Variants in RGS6 observed in about 807,000 individuals in gnomAD.
The protein encoded by RGS6 is regulator of G-protein signaling 6.
Under a neutral mutation model 78.5 loss-of-function variants are expected in RGS6, and 30 were observed. The observed-to-expected ratio is 0.38, with a 90% CI of 0.29 to 0.52. The LOEUF (loss-of-function observed/expected upper bound fraction) is 0.52. Ranked by LOEUF, RGS6 falls within the 20% of genes least tolerant of loss-of-function variation. The pLI is 0.85. For missense variants in RGS6, 495 were observed against 609.7 expected, an observed-to-expected ratio of 0.81 and a Z score of 1.98; for synonymous variants, 206 against 206.0, an observed-to-expected ratio of 1.00 and a Z score of 0.00.
chr14:72,158,055 C>G (rs1006855018), intron 2 of RGS6, among the ~76,000 whole-genome samples: 1 of 152,104 alleles, frequency 6.6e-6, no homozygotes, highest in Non-Finnish European at 1.5e-5. Context: ...ATACCATCTT[C>G]TCCTGACCAG....
At chr14:71,898,402 C>G in the RGS6 span, among the ~76,000 whole-genome samples, 126,404 of 152,190 alleles carry the variant, frequency 0.83, 52,691 homozygotes, top group African/African-American at 0.85. Context: ...GAAATATATA[C>G]AGCCTAGTTG....
chr14:72,097,427 T>A (rs2095431564), intron 2 of RGS6, among the ~76,000 whole-genome samples: 1 of 152,258 alleles, frequency 6.6e-6, no homozygotes, highest in African/African-American at 2.4e-5. Flanking sequence ...TCATTCTCTT[T>A]ACTTTGGTCT....
At chr14:72,521,162 C>A (rs56255322) in intron 15 of RGS6, among the ~76,000 whole-genome samples, 1 of 152,122 alleles carries the variant, frequency 6.6e-6, no homozygotes, top group Non-Finnish European at 1.5e-5. Flanking sequence ...TTTATTTAAC[C>A]GCTTGTTTCT....
intron 15 of RGS6, among the ~76,000 whole-genome samples, chr14:72,535,753 T>C (rs2097242028): frequency 6.6e-6 from 1 of 152,248 alleles, no homozygotes; most frequent in African/African-American, 2.4e-5. Flanking sequence ...TTTGTCTCTA[T>C]AATTTGTCAT....
intron 3 of RGS6, among the ~76,000 whole-genome samples, chr14:72,416,281 C>T (rs989120109): frequency 2.6e-5 from 4 of 152,036 alleles, no homozygotes; most frequent in Admixed American, 2.6e-4. Flanking sequence ...TTTCAAGGAA[C>T]ATTGATCTGA....
intron 2 of RGS6, among the ~76,000 whole-genome samples, chr14:72,277,372 C>T (rs971794146): frequency 6.6e-5 from 10 of 152,100 alleles, no homozygotes; most frequent in South Asian, 6.2e-4. Context: ...CCGAAGCGGG[C>T]GGATCATGAG....
At chr14:71,959,892 C>T (rs1460677529) in intron 1 of RGS6, among the ~76,000 whole-genome samples, 1 of 152,158 alleles carries the variant, frequency 6.6e-6, no homozygotes, top group Non-Finnish European at 1.5e-5. Flanking sequence ...AGGCAAGGAG[C>T]TGGAAACGTA....
chr14:72,231,532 G>T lies in RGS6; in HGVS notation c.85-120563G>T, dbSNP rs182904550. On this transcript the variant is annotated intron_variant, in intron 2 of 17. Coordinates refer to ENST00000553525, the MANE Select transcript of RGS6 (RefSeq NM_001204424.2). The stretch of plus-strand genomic sequence containing the variant: ...GGCTTAATTCTGTTGGTGGGAGGAG[G>T]TATCTGCTAATAAGCAGACAACTTC... Among the ~76,000 whole-genome samples the T allele has an allele frequency of 5.3e-5, 8 of 152,296 alleles. No individual in the cohort carries two copies. In the East Asian group the frequency reaches 1.5e-3, roughly 29 times the overall value.
At chr14:72,258,074 A>G (rs12436355) in intron 2 of RGS6, among the ~76,000 whole-genome samples, 1 of 152,228 alleles carries the variant, frequency 6.6e-6, no homozygotes, top group African/African-American at 2.4e-5. Context: ...AGAGTTTTGT[A>G]TACAGCAGAT....
intron 1 of RGS6, among the ~76,000 whole-genome samples, chr14:71,934,887 G>A (rs2152930034): frequency 6.6e-6 from 1 of 152,136 alleles, no homozygotes; most frequent in Admixed American, 6.5e-5. Flanking sequence ...TTTCGTGCCA[G>A]GGGTTAAATA....
At chr14:72,377,566 C>G (rs545981504) in intron 3 of RGS6, among the ~76,000 whole-genome samples, 1 of 152,274 alleles carries the variant, frequency 6.6e-6, no homozygotes, top group African/African-American at 2.4e-5. Context: ...ACGACATTTA[C>G]AGAATATTTC....
At chr14:72,158,694 AT>A (rs1240427686) in intron 2 of RGS6, among the ~76,000 whole-genome samples, 2 of 152,172 alleles carry the variant, frequency 1.3e-5, no homozygotes, top group African/African-American at 4.8e-5. Context: ...CACTCTTTTT[AT>A]GTAAGAGGGG....
intron 1 of RGS6, among the ~76,000 whole-genome samples, chr14:71,940,198 C>T (rs1012161572): frequency 2.0e-5 from 3 of 152,170 alleles, no homozygotes; most frequent in Non-Finnish European, 2.9e-5. Flanking sequence ...CAGTAGTCCC[C>T]GAAATGTCTG....
intron 3 of RGS6, among the ~76,000 whole-genome samples, chr14:72,389,119 G>T (rs1204405286): frequency 6.6e-6 from 1 of 152,158 alleles, no homozygotes; most frequent in African/African-American, 2.4e-5. Context: ...CCTGCATCAT[G>T]CTGGGAATAC....
chr14:71,956,851 G>A (rs2092827945), intron 1 of RGS6, among the ~76,000 whole-genome samples: 1 of 152,332 alleles, frequency 6.6e-6, no homozygotes, highest in African/African-American at 2.4e-5. Context: ...TTATGAGTGA[G>A]TATAATGATG....
chr14:72,126,543 C>T (rs890472416), intron 2 of RGS6, among the ~76,000 whole-genome samples: 36 of 152,242 alleles, frequency 2.4e-4, no homozygotes, highest in Admixed American at 6.5e-4. Flanking sequence ...CCATGCCCTG[C>T]TGGCTAGTCC....
At chr14:72,007,682 G>C (rs1027792099) in intron 2 of RGS6, among the ~76,000 whole-genome samples, 2 of 152,086 alleles carry the variant, frequency 1.3e-5, no homozygotes, top group Non-Finnish European at 2.9e-5. Context: ...ACCCTTGGAC[G>C]AAGGGCTTGC....
intron 2 of RGS6, among the ~76,000 whole-genome samples, chr14:72,179,822 C>T (rs2097151759): frequency 6.6e-6 from 1 of 152,068 alleles, no homozygotes; most frequent in South Asian, 2.1e-4. Context: ...TGGGTCCCAC[C>T]CCAGACCTAC....
At chr14:71,888,803 T>C in the RGS6 span, among the ~76,000 whole-genome samples, 1 of 152,182 alleles carries the variant, frequency 6.6e-6, no homozygotes, top group East Asian at 1.9e-4. Flanking sequence ...ACTCAATATA[T>C]CTTCTCCATT....
Sources: allele counts gnomAD v4.1 joint callset (sites outside exome capture counted in the v4.1 genomes callset), GRCh38; gene constraint gnomAD v4.1.1; transcripts MANE v1.5; gene names NCBI Gene and HGNC (gene_info 2026-07-23, HGNC 2026-07-21).